Variants in GPR39 observed in about 807,000 individuals in gnomAD.
The protein encoded by GPR39 is zinc sensing receptor.
Under a neutral mutation model 18.4 loss-of-function variants are expected in GPR39, and 23 were observed. The ratio of observed to expected loss-of-function variants is 1.25; its 90% CI spans 0.90 to 1.77. The LOEUF (loss-of-function observed/expected upper bound fraction) is 1.77. GPR39 is among the 40% of genes most tolerant of loss of function. The pLI is 0.00. For synonymous variants in GPR39, 280 were observed against 257.9 expected (o/e 1.09, Z -0.82); for missense variants, 647 against 602.4 (o/e 1.07, Z -0.78).
intron 1 of GPR39, among the ~76,000 whole-genome samples, chr2:132,439,589 G>A (rs1232131104): frequency 6.6e-6 from 1 of 152,150 alleles, no homozygotes; most frequent in Non-Finnish European, 1.5e-5. Context: ...CTGATTGAAT[G>A]CCTTCCAGAA....
intron 1 of GPR39, among the ~76,000 whole-genome samples, chr2:132,594,686 T>C (rs1680905508): frequency 6.6e-6 from 1 of 152,012 alleles, no homozygotes. Context: ...ACCTTTACTC[T>C]GGAGAGATGG....
chr2:132,584,122 G>A (rs1441901545), intron 1 of GPR39, among the ~76,000 whole-genome samples: 1 of 152,124 alleles, frequency 6.6e-6, no homozygotes, highest in African/African-American at 2.4e-5. Context: ...ACAGGTTGCA[G>A]TTGAACGTGG....
intron 1 of GPR39, among the ~76,000 whole-genome samples, chr2:132,588,196 T>C (rs183048544): frequency 1.3e-5 from 2 of 152,304 alleles, no homozygotes; most frequent in Admixed American, 1.3e-4. Context: ...ATGTATGGGT[T>C]AAAGACCTGT....
At chr2:132,611,083 C>G (rs561950143) in intron 1 of GPR39, among the ~76,000 whole-genome samples, 1 of 152,352 alleles carries the variant, frequency 6.6e-6, no homozygotes, top group South Asian at 2.1e-4. Flanking sequence ...ATCTACCTCA[C>G]TGTGCACAAT....
Position 132,417,000 on chromosome 2 carries a change from A to G in GPR39, c.-43A>G, listed in dbSNP as rs760171119. ...GGACGCTGCTGGGAGGAGAAAGGGAAGTTGAGAAAGTCTTTGGACCTGGTA... is the reference window on the plus strand; with the variant it reads ...GGACGCTGCTGGGAGGAGAAAGGGAGGTTGAGAAAGTCTTTGGACCTGGTA... On this transcript the variant is annotated 5_prime_UTR_variant, in exon 1 of 2. Coordinates refer to ENST00000329321, the MANE Select transcript of GPR39 (RefSeq NM_001508.3). 9.4e-6 allele frequency: 15 copies of G among 1,590,834 alleles called. No homozygotes were observed. The highest frequency in any genetic ancestry group is 1.3e-5 in the Non-Finnish European group (15 of 1,167,214).
intron 1 of GPR39, among the ~76,000 whole-genome samples, chr2:132,482,038 G>C (rs993654725): frequency 6.6e-6 from 1 of 152,096 alleles, no homozygotes; most frequent in Non-Finnish European, 1.5e-5. Flanking sequence ...TCACTTGCAA[G>C]TCCTTCTCTC....
At chr2:132,639,136 G>T (rs1279221060) in intron 1 of GPR39, among the ~76,000 whole-genome samples, 3 of 152,152 alleles carry the variant, frequency 2.0e-5, no homozygotes, top group Non-Finnish European at 4.4e-5. Context: ...CCAGGCTGGG[G>T]CCACCTTGTA....
chr2:132,616,930 C>T (rs1681346319), intron 1 of GPR39, among the ~76,000 whole-genome samples: 1 of 152,214 alleles, frequency 6.6e-6, no homozygotes, highest in Non-Finnish European at 1.5e-5. Flanking sequence ...GATGCTCCTT[C>T]CTCCAGAAGT....
At chr2:132,515,532 T>C (rs2104762423) in intron 1 of GPR39, among the ~76,000 whole-genome samples, 1 of 152,270 alleles carries the variant, frequency 6.6e-6, no homozygotes, top group South Asian at 2.1e-4. Flanking sequence ...TCCCCAAATA[T>C]GGTACCTTGG....
At chr2:132,541,540 C>T (rs781053156) in intron 1 of GPR39, among the ~76,000 whole-genome samples, 2 of 152,194 alleles carry the variant, frequency 1.3e-5, no homozygotes, top group African/African-American at 4.8e-5. Context: ...TCCTCATTGA[C>T]AACTGAAAAG....
chr2:132,529,223 G>A (rs1396485304), intron 1 of GPR39, among the ~76,000 whole-genome samples: 1 of 152,198 alleles, frequency 6.6e-6, no homozygotes, highest in African/African-American at 2.4e-5. Flanking sequence ...ACCTGGCTCG[G>A]AGGGTCCTAT....
At chr2:132,436,026 C>T (rs1328631049) in intron 1 of GPR39, among the ~76,000 whole-genome samples, 2 of 152,226 alleles carry the variant, frequency 1.3e-5, no homozygotes, top group Non-Finnish European at 2.9e-5. Context: ...CTCTGAAAGA[C>T]TCTCAGGTGG....
At position 132,417,759 on chromosome 2, in the gene GPR39, C is replaced by T. The variant is rs1679936733; in HGVS notation, c.717C>T (p.Ala239=). The T allele has an allele frequency of 1.9e-6, 3 of 1,614,204 alleles. No individual in the cohort carries two copies. Among genetic ancestry groups the T allele is most frequent in the Non-Finnish European group, 2.5e-6 (3 of 1,180,044 alleles). ...VVYLVVLLSV[A]FMCWNMMQVL... ...ACCTCGTGGTCCTGCTCTCCGTAGC[C>T]TTCATGTGCTGGAACATGATGCAGG... Residue 239 remains alanine (A), a synonymous_variant, in exon 1 of 2, where the codon GCC becomes GCT. Transcript: ENST00000329321.
intron 1 of GPR39, among the ~76,000 whole-genome samples, chr2:132,617,229 T>C (rs1681353061): frequency 6.6e-6 from 1 of 151,980 alleles, no homozygotes; most frequent in South Asian, 2.1e-4. Flanking sequence ...ATTTGCACTT[T>C]TTTTTTTTTG....
At chr2:132,616,914 G>A (rs558481920) in intron 1 of GPR39, among the ~76,000 whole-genome samples, 1 of 152,302 alleles carries the variant, frequency 6.6e-6, no homozygotes, top group Non-Finnish European at 1.5e-5. Context: ...CCCTACTGTT[G>A]AGCTGGATGC....
At chr2:132,557,043 T>C (rs1448611481) in intron 1 of GPR39, among the ~76,000 whole-genome samples, 13 of 151,210 alleles carry the variant, frequency 8.6e-5, no homozygotes, top group Non-Finnish European at 2.9e-5. Context: ...TGGCCAGGTA[T>C]GGTGGCTCAT....
intron 1 of GPR39, among the ~76,000 whole-genome samples, chr2:132,487,048 G>A (rs1461882195): frequency 6.6e-6 from 1 of 152,116 alleles, no homozygotes; most frequent in East Asian, 1.9e-4. Context: ...CCTAATTTTA[G>A]TATCATTGTG....
chr2:132,533,938 A>G (rs1203147995), intron 1 of GPR39, among the ~76,000 whole-genome samples: 1 of 152,224 alleles, frequency 6.6e-6, no homozygotes, highest in African/African-American at 2.4e-5. Context: ...ATGGGCAAGG[A>G]CTTCATGTCT....
intron 1 of GPR39, among the ~76,000 whole-genome samples, chr2:132,425,275 G>A (rs956175044): frequency 3.3e-5 from 5 of 152,140 alleles, no homozygotes; most frequent in African/African-American, 1.2e-4. Context: ...TCAGAAGGGG[G>A]CACAGATGAT....
Sources: gnomAD v4.1 joint callset for allele counts (sites outside exome capture counted in the v4.1 genomes callset) on GRCh38, gnomAD v4.1.1 for gene constraint, MANE v1.5 for transcripts, NCBI Gene and HGNC (gene_info 2026-07-23, HGNC 2026-07-21) for gene names.